The following DPP10 variants were observed in gnomAD, a reference collection of about 807,000 sequenced individuals.
DPP10 encodes dipeptidyl peptidase like 10.
Under a neutral mutation model 120.9 loss-of-function variants are expected in DPP10, and 33 were observed. The ratio of observed to expected loss-of-function variants is 0.27; its 90% CI spans 0.21 to 0.37. The LOEUF is 0.37. DPP10 is among the 10% of genes least tolerant of loss of function. The pLI is 1.00. For synonymous variants in DPP10, 337 were observed against 326.1 expected, an observed-to-expected ratio of 1.03 and a Z score of -0.36; for missense variants, 816 against 942.8, an observed-to-expected ratio of 0.87 and a Z score of 1.76.
intron 1 of DPP10, among the ~76,000 whole-genome samples, chr2:114,741,250 C>A (rs1678032475): frequency 6.6e-6 from 1 of 152,120 alleles, no homozygotes; most frequent in African/African-American, 2.4e-5. Context: ...ATCCCAGAAC[C>A]AAAGGAGAAT....
chr2:115,527,571 A>G (rs573621250), intron 5 of DPP10, among the ~76,000 whole-genome samples: 3 of 152,268 alleles, frequency 2.0e-5, no homozygotes, highest in African/African-American at 7.2e-5. Flanking sequence ...TACAAGTTAC[A>G]GTCTAGAAGA....
intron 1 of DPP10, among the ~76,000 whole-genome samples, chr2:115,157,100 G>GCC (rs1205568678): frequency 1.3e-5 from 2 of 152,060 alleles, no homozygotes; most frequent in Non-Finnish European, 2.9e-5. Context: ...TTCTCAAGTT[G>GCC]TTTTGGTGTT....
chr2:114,486,686 GT>G (rs879528853), intron 1 of DPP10, among the ~76,000 whole-genome samples: 147 of 151,612 alleles, frequency 9.7e-4, no homozygotes, highest in Non-Finnish European at 1.7e-3. Context: ...ATTTTGATTT[GT>G]TTTTTTTCTT....
chr2:114,823,622 T>C (rs919819593), intron 1 of DPP10, among the ~76,000 whole-genome samples: 5 of 152,072 alleles, frequency 3.3e-5, no homozygotes, highest in African/African-American at 1.2e-4. Context: ...ACAAAAGAGA[T>C]GGTGAAGCAC....
chr2:114,730,625 G>T (rs565760498), intron 1 of DPP10, among the ~76,000 whole-genome samples: 119 of 152,060 alleles, frequency 7.8e-4, no homozygotes, highest in African/African-American at 2.7e-3. Context: ...AGACAGTCTT[G>T]CTCTGTCATC....
intron 3 of DPP10, among the ~76,000 whole-genome samples, chr2:115,437,361 A>G (rs909395393): frequency 6.6e-6 from 1 of 152,036 alleles, no homozygotes; most frequent in Non-Finnish European, 1.5e-5. Context: ...TTCTAACTTT[A>G]TAGAGAGGAT....
chr2:114,778,239 A>G (rs775054160), intron 1 of DPP10, among the ~76,000 whole-genome samples: 1 of 152,152 alleles, frequency 6.6e-6, no homozygotes, highest in Non-Finnish European at 1.5e-5. Flanking sequence ...TCTCTGGGTC[A>G]AGAAGGTTAT....
intron 1 of DPP10, among the ~76,000 whole-genome samples, chr2:114,881,729 T>G (rs1418403121): frequency 6.6e-6 from 1 of 152,132 alleles, no homozygotes; most frequent in Non-Finnish European, 1.5e-5. Flanking sequence ...AGGGTCACAT[T>G]AGATTATAGA....
intron 1 of DPP10, among the ~76,000 whole-genome samples, chr2:114,579,523 C>A (rs1690324016): frequency 6.6e-6 from 1 of 152,142 alleles, no homozygotes; most frequent in Admixed American, 6.5e-5. Flanking sequence ...CATTTTCAGC[C>A]CCTAAGAGAA....
chr2:114,509,889 C>T (rs1035985455), intron 1 of DPP10, among the ~76,000 whole-genome samples: 1 of 152,102 alleles, frequency 6.6e-6, no homozygotes, highest in East Asian at 1.9e-4. Context: ...TAAATGTTTG[C>T]CTGTTGGTTT....
intron 1 of DPP10, among the ~76,000 whole-genome samples, chr2:114,927,263 G>A (rs896664558): frequency 7.9e-5 from 12 of 152,030 alleles, no homozygotes; most frequent in Admixed American, 2.0e-4. Flanking sequence ...TCTTAATCAA[G>A]ACTAGGTATT....
At chr2:115,827,440 ATATATAT>A (rs1559209878) in intron 21 of DPP10, among the ~76,000 whole-genome samples, 4 of 143,408 alleles carry the variant, frequency 2.8e-5, no homozygotes, top group African/African-American at 1.0e-4. Flanking sequence ...ATATATATAT[ATATATAT>A]GCTCTACAGT....
intron 1 of DPP10, among the ~76,000 whole-genome samples, chr2:115,166,339 A>T (rs1437524971): frequency 6.6e-6 from 1 of 151,354 alleles, no homozygotes; most frequent in African/African-American, 2.4e-5. Context: ...GAATTATTCA[A>T]CATATAAAAT....
chr2:114,535,102 C>A (rs199741964), intron 1 of DPP10, among the ~76,000 whole-genome samples: 4 of 129,866 alleles, frequency 3.1e-5, no homozygotes, highest in South Asian at 5.0e-4. Flanking sequence ...CAAAAAAAAA[C>A]ATTGTTTATA....
intron 3 of DPP10, among the ~76,000 whole-genome samples, chr2:115,371,403 G>T (rs1184582423): frequency 1.3e-5 from 2 of 152,070 alleles, no homozygotes; most frequent in Non-Finnish European, 2.9e-5. Context: ...ACAAATGTAG[G>T]CTTTTCAATA....
At chr2:114,581,041 C>T (rs555462793) in intron 1 of DPP10, among the ~76,000 whole-genome samples, 13 of 152,014 alleles carry the variant, frequency 8.6e-5, no homozygotes, top group Admixed American at 7.9e-4. Context: ...TAGAATGCAT[C>T]CTCTGATTCA....
intron 8 of DPP10, among the ~76,000 whole-genome samples, chr2:115,736,777 A>G (rs994539229): frequency 1.3e-5 from 2 of 152,190 alleles, no homozygotes; most frequent in Admixed American, 1.3e-4. Context: ...TTGGCAGGTA[A>G]TGGTGGGAGC....
intron 1 of DPP10, among the ~76,000 whole-genome samples, chr2:115,126,288 G>C (rs924357836): frequency 4.0e-5 from 6 of 151,850 alleles, no homozygotes; most frequent in Admixed American, 3.9e-4. Flanking sequence ...TTTTTGTATA[G>C]ACAGGATTTC....
chr2:115,329,834 C>T (rs1378402895), intron 2 of DPP10, among the ~76,000 whole-genome samples: 1 of 152,096 alleles, frequency 6.6e-6, no homozygotes, highest in Non-Finnish European at 1.5e-5. Context: ...TCCAGTCTAT[C>T]ATTGATGGAC....
Sources: gnomAD v4.1 joint callset for allele counts (sites outside exome capture counted in the v4.1 genomes callset) on GRCh38, gnomAD v4.1.1 for gene constraint, MANE v1.5 for transcripts, NCBI Gene and HGNC (gene_info 2026-07-23, HGNC 2026-07-21) for gene names.